The following ECE1 variants were observed in gnomAD, a reference collection of about 807,000 sequenced individuals.
ECE1 encodes endothelin-converting enzyme 1.
In ECE1, 35 loss-of-function variants were observed where a neutral mutation model predicts 98.6. The ratio of observed to expected loss-of-function variants is 0.35; its 90% CI spans 0.27 to 0.47. The LOEUF is 0.47. Among genes scored for constraint, ECE1 ranks in the 20% least tolerant of loss-of-function variants. The pLI is 1.00. For synonymous variants in ECE1, 394 were observed against 407.1 expected, an observed-to-expected ratio of 0.97 and a Z score of 0.39; for missense variants, 814 against 1,025.3, an observed-to-expected ratio of 0.79 and a Z score of 2.81.
At chr1:21,287,436 G>A (rs944855010) in intron 2 of ECE1, among the ~76,000 whole-genome samples, 2 of 152,136 alleles carry the variant, frequency 1.3e-5, no homozygotes, top group Non-Finnish European at 2.9e-5. Context: ...TGAGGCAGGA[G>A]AATTGCTTGA....
rs76286766 is a variant in ECE1, at chr1:21,329,555, G to A, written c.3+15821C>T. ...GAGTCACCTTTCTCATGCTTAAAAC[G>A]GCAGTAAATTACCTCTACCTGCCAG... On this transcript the variant is annotated intron_variant, in intron 1 of 18. Transcript: ENST00000415912. 7.4e-3 allele frequency among the ~76,000 whole-genome samples: 1,122 copies of A among 152,280 alleles called. 87 individuals carry two copies. In the East Asian group the frequency reaches 0.19, roughly 25 times the overall value.
upstream of ECE1, among the ~76,000 whole-genome samples, chr1:21,290,897 T>G (rs891153616): frequency 2.6e-5 from 4 of 152,166 alleles, no homozygotes; most frequent in African/African-American, 9.7e-5. The surrounding 1 kb of genome is among the most constrained non-coding windows in gnomAD (Gnocchi z 7.3). Context: ...CAGAGGCCTT[T>G]AAGCCAGAGT....
At chr1:21,342,454 A>G (rs1397180266) in intron 1 of ECE1, among the ~76,000 whole-genome samples, 1 of 152,072 alleles carries the variant, frequency 6.6e-6, no homozygotes, top group Non-Finnish European at 1.5e-5. Context: ...GCACTGGGAG[A>G]AAACAGGGGG....
chr1:21,244,949 C>T lies in ECE1; in HGVS notation c.1278+40G>A, dbSNP rs201513441. ...CATAGACACCTTGGCATAAAGTAGG[C>T]GCTCAGCCCATATTCAGGCATACGC... On this transcript the variant is annotated intron_variant, in intron 10 of 18. Transcript: ENST00000374893. 1.5e-4 allele frequency: 239 copies of T among 1,581,272 alleles called. No individual in the cohort carries two copies. The East Asian group carries it at 2.2e-3, about 15-fold the overall frequency.
At chr1:21,224,775 A>G (rs1346424571) in intron 17 of ECE1, among the ~76,000 whole-genome samples, 1 of 152,168 alleles carries the variant, frequency 6.6e-6, no homozygotes. Context: ...CCAACAACCC[A>G]ATAATGCAGG....
At chr1:21,331,284 G>A (rs536424350) in intron 1 of ECE1, among the ~76,000 whole-genome samples, 3 of 152,138 alleles carry the variant, frequency 2.0e-5, no homozygotes, top group South Asian at 2.1e-4. Flanking sequence ...AGCGCCTGTA[G>A]TCCCAGCTAC....
intron 4 of ECE1, among the ~76,000 whole-genome samples, chr1:21,268,473 C>T (rs2103313974): frequency 6.6e-6 from 1 of 152,354 alleles, no homozygotes; most frequent in Non-Finnish European, 1.5e-5. Context: ...TAGTTCGGCC[C>T]ACCTGCTACA....
intron 1 of ECE1, among the ~76,000 whole-genome samples, chr1:21,312,167 G>C (rs569963070): frequency 6.0e-5 from 9 of 150,658 alleles, no homozygotes; most frequent in African/African-American, 2.2e-4. Context: ...GTCTGGTGTG[G>C]TGGCACATAC....
At chr1:21,282,935 T>C (rs1035277115) in intron 2 of ECE1, among the ~76,000 whole-genome samples, 9 of 118,742 alleles carry the variant, frequency 7.6e-5, no homozygotes, top group Non-Finnish European at 1.5e-4. Flanking sequence ...CTTCACAACA[T>C]TATTTTTTTT....
intron 1 of ECE1, among the ~76,000 whole-genome samples, chr1:21,343,175 C>G (rs1052674351): frequency 6.6e-5 from 10 of 152,198 alleles, no homozygotes; most frequent in Non-Finnish European, 1.2e-4. Flanking sequence ...TCTACCTCTC[C>G]AAGGACGTGC....
chr1:21,308,422 A>C (rs1042277249), intron 1 of ECE1, among the ~76,000 whole-genome samples: 3 of 152,094 alleles, frequency 2.0e-5, no homozygotes, highest in Non-Finnish European at 4.4e-5. Flanking sequence ...TATTTGGGGG[A>C]ACAGCCCTTC....
chr1:21,258,945 T>C lies in ECE1; in HGVS notation c.616-106A>G. On this transcript the variant is annotated intron_variant, in intron 5 of 18. Coordinates refer to ENST00000374893, the MANE Select transcript of ECE1 (RefSeq NM_001397.3). The surrounding 1 kb of genome is among the most constrained non-coding windows in gnomAD (Gnocchi z 4.2). Reference sequence around the variant, plus strand: ...GCTCTGTGACCCTGGAGCAGTCGCCTGACCTCTCTGAGCCTCAAGAGCAAA... The same window carrying C: ...GCTCTGTGACCCTGGAGCAGTCGCCCGACCTCTCTGAGCCTCAAGAGCAAA... 5.5e-6 allele frequency: 8 copies of C among 1,463,546 alleles called. No homozygotes were observed. Among genetic ancestry groups the C allele is most frequent in the Non-Finnish European group, 6.5e-6 (7 of 1,073,696 alleles). 90.7% of individuals were successfully genotyped at this position (1,463,546 alleles called of 1,614,324 possible).
At chr1:21,334,687 G>A (rs146671432) in intron 1 of ECE1, among the ~76,000 whole-genome samples, 48 of 152,244 alleles carry the variant, frequency 3.2e-4, no homozygotes, top group African/African-American at 1.1e-3. Flanking sequence ...TGAAGTGGAG[G>A]TTCAGACAGG....
intron 1 of ECE1, among the ~76,000 whole-genome samples, chr1:21,317,540 G>A (rs1021530261): frequency 4.6e-5 from 7 of 152,234 alleles, no homozygotes; most frequent in South Asian, 2.1e-4. Context: ...TCCCCTGACC[G>A]GGATGGAGTC....
chr1:21,247,289 C>T lies in ECE1; in HGVS notation c.1095G>A (p.Glu365=). The T allele has an allele frequency of 6.2e-7, 1 of 1,614,178 alleles. No individual in the cohort carries two copies. The highest frequency in any genetic ancestry group is 8.5e-7 in the Non-Finnish European group (1 of 1,180,040). The change falls in exon 9 of 19, where the codon GAG becomes GAA. Residue 365 remains glutamate, a synonymous_variant. Transcript: ENST00000374893. ...ATTCCTTGTCATAGACCACAATAGGCTCGGATTCATTGATCTCCACGGGGT... is the reference window on the plus strand; with the variant it reads ...ATTCCTTGTCATAGACCACAATAGGTTCGGATTCATTGATCTCCACGGGGT... ...IFYPVEINES[E]PIVVYDKEYL...
chr1:21,296,693 GA>G (rs1266007569), intron 1 of ECE1, among the ~76,000 whole-genome samples: 4 of 152,208 alleles, frequency 2.6e-5, no homozygotes, highest in Non-Finnish European at 4.4e-5. Context: ...TCAGAGAAAG[GA>G]AGCAGCTTGC....
chr1:21,274,513 A>G (rs2098244204), intron 3 of ECE1, among the ~76,000 whole-genome samples: 1 of 152,196 alleles, frequency 6.6e-6, no homozygotes, highest in Admixed American at 6.5e-5. Context: ...CAGATTTCAC[A>G]GTGATGATGG....
intron 3 of ECE1, among the ~76,000 whole-genome samples, chr1:21,277,390 A>G (rs1339391774): frequency 2.6e-5 from 4 of 152,224 alleles, no homozygotes; most frequent in Non-Finnish European, 5.9e-5. Flanking sequence ...TCTCAGGGTA[A>G]CACTGGCTGC....
At chr1:21,320,853 G>A (rs554219606) in intron 1 of ECE1, among the ~76,000 whole-genome samples, 14 of 152,318 alleles carry the variant, frequency 9.2e-5, no homozygotes, top group East Asian at 3.9e-4. Flanking sequence ...CGTGGAGCTC[G>A]GCTGTGCAGC....
Sources: gnomAD v4.1 joint callset for allele counts (sites outside exome capture counted in the v4.1 genomes callset) on GRCh38, gnomAD v4.1.1 for gene constraint, Gnocchi (gnomAD v3.1) non-coding constraint, MANE v1.5 for transcripts, NCBI Gene and HGNC (gene_info 2026-07-23, HGNC 2026-07-21) for gene names.